The following RBM25 variants were observed in gnomAD, a reference collection of about 807,000 sequenced individuals.
The protein encoded by RBM25 is RNA binding motif protein 25, also known as RNA-binding protein 25.
RBM25 carries 19 observed loss-of-function variants against 120.7 expected under a neutral mutation model. That is an observed-to-expected ratio of 0.16 (90% confidence interval 0.11 to 0.23). The LOEUF is 0.23. Among genes scored for constraint, RBM25 ranks in the 10% least tolerant of loss-of-function variants. The pLI, the probability that RBM25 is intolerant of heterozygous loss-of-function variation, is 1.00. For synonymous variants in RBM25, 390 were observed against 326.7 expected, an observed-to-expected ratio of 1.19 and a Z score of -2.09; for missense variants, 605 against 1,041.5, an observed-to-expected ratio of 0.58 and a Z score of 5.77.
At chr14:73,076,225 TTA>T in intron 2 of RBM25, 92 bp from the exon 3 acceptor site, 1 of 1,010,048 alleles carries the variant, frequency 9.9e-7, no homozygotes, top group Non-Finnish European at 1.6e-6. Context: ...ATATTTCCAC[TTA>T]TGTTAATTAT....
intron 4 of RBM25, 121 bp from the exon 5 acceptor site, chr14:73,083,373 T>C (rs767231818): frequency 1.7e-4 from 119 of 717,636 alleles, no homozygotes; most frequent in Non-Finnish European, 2.1e-4. Flanking sequence ...TTCGCAAATG[T>C]AGTTGCTGGT....
rs1896188350 is a variant in RBM25, at chr14:73,106,368, A to G, written c.1467+83A>G. On this transcript the variant is annotated intron_variant, in intron 12 of 18. Transcript: ENST00000261973. ...ACTGCTAACTACAAGTAACTTAATA[A>G]TTGAAATGCACAAGCTTCTCTATTC... 2.8e-6 allele frequency: 3 copies of G among 1,077,160 alleles called. No homozygotes were observed. In the African/African-American group the frequency reaches 4.8e-5, roughly 17 times the overall value. The allele number at this position is 1,077,160 out of a possible 1,614,324, so 66.7% of individuals were successfully genotyped here.
intron 1 of RBM25, chr14:73,069,833 T>C (rs1038119726): frequency 1.4e-5 from 2 of 146,548 alleles, no homozygotes; most frequent in African/African-American, 2.5e-5. Flanking sequence ...TTCTTTCTTT[T>C]TTTTTTTTTT....
chr14:73,077,461 T>C lies in RBM25; in HGVS notation c.249T>C (p.Cys83=). Residue 83 remains cysteine (C), a synonymous_variant, in exon 4 of 19, where the codon TGT becomes TGC. Transcript: ENST00000261973. Reference sequence around the variant, plus strand: ...AGGCTAAAGAAAATGATGAAAATTGTGGTCCTACTACCACTGTTTTTGTTG... The same window carrying C: ...AGGCTAAAGAAAATGATGAAAATTGCGGTCCTACTACCACTGTTTTTGTTG... ...GLKAKENDEN[C]GPTTTVFVGN... The C allele has an allele frequency of 6.2e-7, 1 of 1,614,044 alleles. No homozygotes were observed. The highest frequency in any genetic ancestry group is 1.1e-5 in the South Asian group (1 of 91,074).
chr14:73,099,959 A>T, intron 9 of RBM25: 1 of 665,970 alleles, frequency 1.5e-6, no homozygotes, highest in South Asian at 3.3e-5. Flanking sequence ...TCAGTTACTG[A>T]CTATTCTGCA....
chr14:73,086,447 AAAAC>A (rs1357410569), intron 5 of RBM25, among the ~76,000 whole-genome samples: 2 of 151,866 alleles, frequency 1.3e-5, no homozygotes, highest in African/African-American at 4.8e-5. Context: ...AAAAAAAAAA[AAAAC>A]AAAACAGTGG....
In RBM25 at chr14:73,089,490, G is replaced by A. The variant is rs1044811413; in HGVS notation, c.543+1329G>A. On this transcript the variant is annotated intron_variant, in intron 6 of 18. Coordinates refer to ENST00000261973, the MANE Select transcript of RBM25 (RefSeq NM_021239.3). ...CTGCCTCAGCCTCCTGAGTAGCTGGGATTACAGGCATCCACCACCACGTTC... is the reference window on the plus strand; with the variant it reads ...CTGCCTCAGCCTCCTGAGTAGCTGGAATTACAGGCATCCACCACCACGTTC... 2.6e-5 allele frequency among the ~76,000 whole-genome samples: 4 copies of A among 151,842 alleles called. No homozygotes were observed. In the South Asian group the frequency reaches 6.2e-4, roughly 24 times the overall value.
At chr14:73,091,707 A>C (rs1234926598) in intron 6 of RBM25, among the ~76,000 whole-genome samples, 2 of 146,526 alleles carry the variant, frequency 1.4e-5, no homozygotes, top group Non-Finnish European at 3.1e-5. Context: ...CTCCATCTCT[A>C]CTAAAAAAAA....
intron 5 of RBM25, among the ~76,000 whole-genome samples, chr14:73,085,327 T>A (rs1288657734): frequency 6.7e-6 from 1 of 149,400 alleles, no homozygotes; most frequent in African/African-American, 2.4e-5. Flanking sequence ...TCATCAGTAG[T>A]CTGTTTTGAA....
intron 1 of RBM25, among the ~76,000 whole-genome samples, chr14:73,065,356 G>T (rs553822063): frequency 6.6e-6 from 1 of 152,064 alleles, no homozygotes; most frequent in East Asian, 1.9e-4. Context: ...TCCAACTCCT[G>T]ACCTCAAGTG....
At chr14:73,099,823 AT>A (rs1566595814) in intron 9 of RBM25, 73 bp downstream of exon 9, 7 of 1,504,708 alleles carry the variant, frequency 4.7e-6, no homozygotes, top group African/African-American at 2.8e-5. Context: ...GACAAAAAAA[AT>A]CAACCTTAAA....
At chr14:73,111,242 T>G in intron 15 of RBM25, 87 bp downstream of exon 15, 1 of 1,160,956 alleles carries the variant, frequency 8.6e-7, no homozygotes. Context: ...AAATTTATAT[T>G]TGTGCTTGGT....
chr14:73,097,753 A>G (rs1566594821), intron 7 of RBM25, among the ~76,000 whole-genome samples: 2 of 152,290 alleles, frequency 1.3e-5, no homozygotes, highest in East Asian at 1.9e-4. Context: ...TTAAGAAACT[A>G]TGTCACATTC....
At chr14:73,088,853 G>T (rs1178569632) in intron 6 of RBM25, among the ~76,000 whole-genome samples, 1 of 152,096 alleles carries the variant, frequency 6.6e-6, no homozygotes, top group Admixed American at 6.6e-5. Flanking sequence ...AATAGAAATC[G>T]CTTTTTGCTG....
chr14:73,085,906 A>G (rs941673714), intron 5 of RBM25, among the ~76,000 whole-genome samples: 2 of 152,096 alleles, frequency 1.3e-5, no homozygotes, highest in African/African-American at 4.8e-5. Flanking sequence ...GTGTTATTGT[A>G]TTTAATATGG....
intron 14 of RBM25, among the ~76,000 whole-genome samples, chr14:73,110,433 T>C (rs1420206901): frequency 6.6e-6 from 1 of 151,642 alleles, no homozygotes; most frequent in Non-Finnish European, 1.5e-5. Flanking sequence ...TTTTTTCTTT[T>C]TCTTTTTCTT....
intron 10 of RBM25, among the ~76,000 whole-genome samples, chr14:73,104,270 C>T (rs904078174): frequency 6.6e-6 from 1 of 152,026 alleles, no homozygotes; most frequent in South Asian, 2.1e-4. Flanking sequence ...ATAGCTTAAT[C>T]TTTCTGTCTA....
chr14:73,061,457 G>A (rs1346966507), intron 1 of RBM25, among the ~76,000 whole-genome samples: 17 of 151,394 alleles, frequency 1.1e-4, no homozygotes, highest in Non-Finnish European at 1.5e-5. Context: ...ACAAAGTTAT[G>A]CATCCATTAC....
At chr14:73,069,595 A>G (rs1895225164) in intron 1 of RBM25, among the ~76,000 whole-genome samples, 1 of 151,290 alleles carries the variant, frequency 6.6e-6, no homozygotes, top group African/African-American at 2.4e-5. Flanking sequence ...CACCATGCCC[A>G]GCTAATTTTG....
Sources: allele counts gnomAD v4.1 joint callset (sites outside exome capture counted in the v4.1 genomes callset), GRCh38; gene constraint gnomAD v4.1.1; transcripts MANE v1.5; gene names NCBI Gene and HGNC (gene_info 2026-07-23, HGNC 2026-07-21).